NRP2: variants seen among roughly 807,000 people sequenced by gnomAD.
NRP2 encodes neuropilin-2.
Under a neutral mutation model 110.4 loss-of-function variants are expected in NRP2, and 52 were observed. That is an observed-to-expected ratio of 0.47 (90% CI 0.38 to 0.59). The LOEUF is 0.59. Ranked by LOEUF, NRP2 falls within the 20% of genes least tolerant of loss-of-function variation. The pLI, the probability that NRP2 is intolerant of heterozygous loss-of-function variation, is 0.00. For synonymous variants in NRP2, 508 were observed against 468.9 expected, an observed-to-expected ratio of 1.08 and a Z score of -1.08; for missense variants, 1,049 against 1,203.0, an observed-to-expected ratio of 0.87 and a Z score of 1.89.
intron 1 of NRP2, among the ~76,000 whole-genome samples, chr2:205,691,508 A>C (rs2056315197): frequency 6.6e-6 from 1 of 152,232 alleles, no homozygotes; most frequent in Non-Finnish European, 1.5e-5. Flanking sequence ...GGCTCAATTC[A>C]AGGCCCAAAT....
intron 8 of NRP2, among the ~76,000 whole-genome samples, chr2:205,742,579 G>T (rs561647664): frequency 1.3e-5 from 2 of 152,316 alleles, no homozygotes; most frequent in Admixed American, 1.3e-4. Context: ...GGGGTAATGG[G>T]AACAGCATGT....
intron 15 of NRP2, among the ~76,000 whole-genome samples, chr2:205,790,030 A>G (rs975808057): frequency 3.3e-5 from 5 of 152,174 alleles, no homozygotes; most frequent in South Asian, 2.1e-4. Flanking sequence ...GCTTTTGAAA[A>G]TGTTGATTAA....
intron 3 of NRP2, among the ~76,000 whole-genome samples, chr2:205,716,790 A>G (rs1477742757): frequency 6.6e-6 from 1 of 152,042 alleles, no homozygotes; most frequent in Admixed American, 6.5e-5. Flanking sequence ...TAATCTTTTC[A>G]TTGTTTGGAG....
intron 15 of NRP2, among the ~76,000 whole-genome samples, chr2:205,771,413 G>A (rs2058021780): frequency 6.6e-6 from 1 of 152,286 alleles, no homozygotes; most frequent in Non-Finnish European, 1.5e-5. Flanking sequence ...TATGTGAAAT[G>A]TTCCTCCACC....
At position 205,795,581 on chromosome 2, in the gene NRP2, C is replaced by T. The variant is rs1245135748; in HGVS notation, c.*523C>T. The T allele has an allele frequency of 6.6e-6, 1 of 152,642 alleles. No homozygotes were observed. The highest frequency in any genetic ancestry group is 6.5e-5 in the Admixed American group (1 of 15,290). The allele number at this position is 152,642 out of a possible 1,614,324, so 9.5% of individuals were successfully genotyped here. On this transcript the variant is annotated 3_prime_UTR_variant, in exon 17 of 17. Coordinates refer to ENST00000357785, the MANE Select transcript of NRP2 (RefSeq NM_003872.3). ...AAAAAAGCCGTCCAGCTTATCCCATCCTCTGATTGTCTTCTGACTTAAGGG... is the reference window on the plus strand; with the variant it reads ...AAAAAAGCCGTCCAGCTTATCCCATTCTCTGATTGTCTTCTGACTTAAGGG...
At chr2:205,713,877 A>T (rs948812814) in intron 2 of NRP2, among the ~76,000 whole-genome samples, 5 of 152,190 alleles carry the variant, frequency 3.3e-5, no homozygotes, top group African/African-American at 1.2e-4. Flanking sequence ...CTTAGGAAAA[A>T]TTCCTAGCAG....
intron 7 of NRP2, among the ~76,000 whole-genome samples, chr2:205,735,517 GAATGAATATATTCTAT>G (rs142625761): frequency 0.067 from 9,872 of 147,624 alleles, 654 homozygotes; most frequent in African/African-American, 0.17. Context: ...ATAATATATA[GAATGAATATATTCTAT>G]AATATATATT....
At chr2:205,697,416 C>T in intron 1 of NRP2, 128 bp from the exon 2 acceptor site, 3 of 912,112 alleles carry the variant, frequency 3.3e-6, no homozygotes, top group East Asian at 4.8e-5. Context: ...GGTTAGTCTT[C>T]TGGACTGCCA....
intron 15 of NRP2, among the ~76,000 whole-genome samples, chr2:205,784,231 C>T (rs1365435451): frequency 6.6e-6 from 1 of 152,214 alleles, no homozygotes. Context: ...AAAGAGCAGC[C>T]AGCTCCAGTA....
chr2:205,683,565 T>C (rs1559299353), intron 1 of NRP2, among the ~76,000 whole-genome samples: 1 of 148,512 alleles, frequency 6.7e-6, no homozygotes, highest in South Asian at 2.1e-4. Flanking sequence ...AGTGTGTGTG[T>C]GTGTGTGTGT....
chr2:205,741,650 C>T (rs192418933), intron 8 of NRP2, among the ~76,000 whole-genome samples: 3 of 152,356 alleles, frequency 2.0e-5, no homozygotes, highest in South Asian at 4.1e-4. Context: ...CAAGTTGCCT[C>T]TTTGACCTGG....
At chr2:205,794,120 A>T (rs145130610) in intron 16 of NRP2, among the ~76,000 whole-genome samples, 2,798 of 152,166 alleles carry the variant, frequency 0.018, 33 homozygotes, top group Non-Finnish European at 0.023. Flanking sequence ...TTATTTATTT[A>T]TTTTTTTGGA....
chr2:205,749,236 T>C (rs1226895750), intron 10 of NRP2, among the ~76,000 whole-genome samples: 1 of 152,210 alleles, frequency 6.6e-6, no homozygotes, highest in Non-Finnish European at 1.5e-5. Flanking sequence ...TCTGCTTTCC[T>C]CACTTACAGT....
intron 15 of NRP2, among the ~76,000 whole-genome samples, chr2:205,789,112 C>T (rs528944811): frequency 2.6e-5 from 4 of 152,204 alleles, no homozygotes; most frequent in Admixed American, 1.3e-4. Context: ...CCAGCCAATC[C>T]GGATCTGAGA....
intron 7 of NRP2, among the ~76,000 whole-genome samples, chr2:205,737,976 C>T (rs868139294): frequency 1.3e-5 from 2 of 152,208 alleles, no homozygotes; most frequent in Non-Finnish European, 1.5e-5. Flanking sequence ...ATGCACACAC[C>T]GCCATCCCAA....
chr2:205,731,747 C>T (rs1227244281), intron 7 of NRP2, among the ~76,000 whole-genome samples: 1 of 152,068 alleles, frequency 6.6e-6, no homozygotes, highest in Non-Finnish European at 1.5e-5. Context: ...TTGGCCAGAT[C>T]GAGGATGGAT....
At chr2:205,707,573 T>C (rs1266266491) in intron 2 of NRP2, among the ~76,000 whole-genome samples, 1 of 152,234 alleles carries the variant, frequency 6.6e-6, no homozygotes, top group Non-Finnish European at 1.5e-5. Flanking sequence ...AGATGAGTTT[T>C]GCATCTTCCA....
At chr2:205,719,161 G>A (rs886663366) in intron 3 of NRP2, among the ~76,000 whole-genome samples, 4 of 152,174 alleles carry the variant, frequency 2.6e-5, no homozygotes, top group Non-Finnish European at 5.9e-5. Flanking sequence ...AACAAACACA[G>A]CTATGTTTGC....
chr2:205,791,227 C>T (rs981402397), intron 15 of NRP2, among the ~76,000 whole-genome samples: 1 of 152,108 alleles, frequency 6.6e-6, no homozygotes, highest in African/African-American at 2.4e-5. Context: ...TTCTTTTAAG[C>T]CTTGATTTTT....
Sources: gnomAD v4.1 joint callset for allele counts (sites outside exome capture counted in the v4.1 genomes callset) on GRCh38, gnomAD v4.1.1 for gene constraint, MANE v1.5 for transcripts, NCBI Gene and HGNC (gene_info 2026-07-23, HGNC 2026-07-21) for gene names.